The following CDH13 variants were observed in gnomAD, a reference collection of about 807,000 sequenced individuals.
CDH13 encodes the protein cadherin-13.
In CDH13, 24 loss-of-function variants were observed where a neutral mutation model predicts 63.8. The observed-to-expected ratio is 0.38, with a 90% CI of 0.27 to 0.53. The LOEUF (loss-of-function observed/expected upper bound fraction) is 0.53, where lower values mean the gene tolerates loss of function less well. Among genes scored for constraint, CDH13 ranks in the 20% least tolerant of loss-of-function variants. The pLI, the probability that CDH13 is intolerant of heterozygous loss-of-function variation, is 0.85. For synonymous variants in CDH13, 503 were observed against 355.3 expected (o/e 1.42, Z -4.67); for missense variants, 1,049 against 903.1 (o/e 1.16, Z -2.07).
At chr16:83,452,986 T>A (rs1376959893) in intron 6 of CDH13, among the ~76,000 whole-genome samples, 2 of 152,236 alleles carry the variant, frequency 1.3e-5, no homozygotes, top group Non-Finnish European at 2.9e-5. Flanking sequence ...TCTAGCTGTG[T>A]GCCTTTGGAA....
intron 2 of CDH13, among the ~76,000 whole-genome samples, chr16:82,931,210 C>T (rs373296010): frequency 2.0e-5 from 3 of 152,198 alleles, no homozygotes; most frequent in African/African-American, 7.2e-5. Flanking sequence ...GCATATCTAG[C>T]CTTATTTATC....
At chr16:83,104,934 T>A (rs1331816979) in intron 3 of CDH13, among the ~76,000 whole-genome samples, 1 of 152,268 alleles carries the variant, frequency 6.6e-6, no homozygotes, top group Non-Finnish European at 1.5e-5. Context: ...GGCAGTGCTC[T>A]GCATCTTCTC....
intron 7 of CDH13, among the ~76,000 whole-genome samples, chr16:83,597,165 G>A (rs1907341856): frequency 6.6e-6 from 1 of 152,154 alleles, no homozygotes; most frequent in South Asian, 2.1e-4. Flanking sequence ...CGAGGCTGCA[G>A]TGAGCTGTGA....
chr16:82,945,635 G>C (rs1388165923), intron 2 of CDH13, among the ~76,000 whole-genome samples: 8 of 152,148 alleles, frequency 5.3e-5, no homozygotes, highest in African/African-American at 1.9e-4. Flanking sequence ...CTTCTCATTT[G>C]CTGTGAAGAT....
chr16:83,042,950 G>T (rs1012518225), intron 3 of CDH13, among the ~76,000 whole-genome samples: 1 of 152,200 alleles, frequency 6.6e-6, no homozygotes, highest in Non-Finnish European at 1.5e-5. Context: ...CAAAAAACCT[G>T]TGAAGTACCA....
intron 6 of CDH13, among the ~76,000 whole-genome samples, chr16:83,456,504 C>G (rs192856971): frequency 6.6e-6 from 1 of 152,264 alleles, no homozygotes; most frequent in East Asian, 1.9e-4. Context: ...GGGGAGGGGA[C>G]TTTTGCCCTT....
intron 3 of CDH13, among the ~76,000 whole-genome samples, chr16:83,080,869 G>GTGTTTTTTTTTT (rs2033182798): frequency 3.7e-4 from 14 of 37,822 alleles, no homozygotes; most frequent in Non-Finnish European, 5.4e-4. Flanking sequence ...TTTTGTTTTT[G>GTGTTTTTTTTTT]TGTTTTTTTT....
At chr16:83,320,570 T>C (rs1567589336) in intron 5 of CDH13, among the ~76,000 whole-genome samples, 1 of 152,210 alleles carries the variant, frequency 6.6e-6, no homozygotes, top group Admixed American at 6.5e-5. Context: ...AGTGTTTTCT[T>C]GCTCACCTCA....
chr16:83,052,998 C>A (rs1025425154), intron 3 of CDH13, among the ~76,000 whole-genome samples: 3 of 151,966 alleles, frequency 2.0e-5, no homozygotes, highest in African/African-American at 4.8e-5. Context: ...AGACCATAAG[C>A]CTTGTGGTTT....
chr16:82,994,414 G>T (rs1016361193), intron 2 of CDH13, among the ~76,000 whole-genome samples: 1 of 152,068 alleles, frequency 6.6e-6, no homozygotes, highest in Non-Finnish European at 1.5e-5. Flanking sequence ...CTTTAGGGAG[G>T]GGCAGGGATT....
chr16:83,488,292 G>A (rs908934503), intron 7 of CDH13, among the ~76,000 whole-genome samples: 5 of 152,170 alleles, frequency 3.3e-5, no homozygotes, highest in Non-Finnish European at 2.9e-5. Context: ...AACAGAGACT[G>A]TGGTCATATG....
rs113403003 is a variant in CDH13 at position 82,978,431 on chromosome 16, A to C, written c.158-53579A>C. Among the ~76,000 whole-genome samples the C allele has an allele frequency of 3.1e-3, 466 of 152,340 alleles. 2 individuals carry two copies. Among genetic ancestry groups the C allele is most frequent in the Middle Eastern group, 0.01 (3 of 294 alleles). On this transcript the variant is annotated intron_variant, in intron 2 of 13. Transcript: ENST00000567109. ...TCTTCATGGCAGCCCCTCCCATTGC[A>C]GGCCTGGAGGCCTTGGAGGAAAAAA...
chr16:82,789,234 G>A (rs533542758), intron 1 of CDH13, among the ~76,000 whole-genome samples: 17 of 152,324 alleles, frequency 1.1e-4, no homozygotes, highest in African/African-American at 4.1e-4. Context: ...AGAAACTAGA[G>A]AAGTCACGAA....
At chr16:82,643,344 C>G (rs889740875) in intron 1 of CDH13, among the ~76,000 whole-genome samples, 5 of 152,212 alleles carry the variant, frequency 3.3e-5, no homozygotes, top group Non-Finnish European at 2.9e-5. Context: ...TGGTGATACT[C>G]TACTTGCTTT....
chr16:83,692,950 G>A (rs545333794), intron 10 of CDH13, among the ~76,000 whole-genome samples: 18 of 152,200 alleles, frequency 1.2e-4, no homozygotes, highest in Non-Finnish European at 1.6e-4. Context: ...AGGCATGGCG[G>A]CATGCACCTG....
intron 2 of CDH13, among the ~76,000 whole-genome samples, chr16:83,031,366 A>G (rs964795378): frequency 8.4e-5 from 6 of 71,812 alleles, no homozygotes; most frequent in Admixed American, 2.6e-4. Flanking sequence ...ATACATGTAC[A>G]TGTATATGTA....
chr16:83,325,489 G>A (rs538146971), intron 5 of CDH13, among the ~76,000 whole-genome samples: 16 of 152,254 alleles, frequency 1.1e-4, no homozygotes, highest in Admixed American at 2.6e-4. Context: ...TAGGCCTTGC[G>A]AGTCATGCAG....
intron 6 of CDH13, among the ~76,000 whole-genome samples, chr16:83,451,775 C>T (rs369534192): frequency 8.5e-5 from 13 of 152,226 alleles, no homozygotes; most frequent in African/African-American, 3.1e-4. Flanking sequence ...ATCTTGGCCT[C>T]GCAAAGTGCT....
At chr16:82,788,198 G>C (rs990208155) in intron 1 of CDH13, among the ~76,000 whole-genome samples, 39 of 152,310 alleles carry the variant, frequency 2.6e-4, no homozygotes, top group African/African-American at 8.7e-4. Flanking sequence ...AAAACAAAGT[G>C]AGGATGGTCC....
Sources: allele counts gnomAD v4.1 joint callset (sites outside exome capture counted in the v4.1 genomes callset), GRCh38; gene constraint gnomAD v4.1.1; transcripts MANE v1.5; gene names NCBI Gene and HGNC (gene_info 2026-07-23, HGNC 2026-07-21).